RSRC1: variants seen among roughly 807,000 people sequenced by gnomAD.
The protein encoded by RSRC1 is arginine and serine rich coiled-coil 1.
Under a neutral mutation model 49.1 loss-of-function variants are expected in RSRC1, and 39 were observed. That is an observed-to-expected ratio of 0.79 (90% CI 0.61 to 1.04). The LOEUF (loss-of-function observed/expected upper bound fraction) is 1.04, where lower values mean the gene tolerates loss of function less well. RSRC1 is among the 50% of genes least tolerant of loss of function. RSRC1 has a pLI of 0.00. For synonymous variants in RSRC1, 143 were observed against 130.8 expected (o/e 1.09, Z -0.63); for missense variants, 388 against 402.4 (o/e 0.96, Z 0.31).
chr3:158,484,287 A>G (rs1252520913), intron 7 of RSRC1, among the ~76,000 whole-genome samples: 1 of 152,134 alleles, frequency 6.6e-6, no homozygotes, highest in Non-Finnish European at 1.5e-5. Flanking sequence ...CTCCATTTAT[A>G]TGAACAAGTC....
intron 5 of RSRC1, among the ~76,000 whole-genome samples, chr3:158,316,531 G>A (rs981221612): frequency 2.3e-5 from 3 of 129,372 alleles, no homozygotes; most frequent in Non-Finnish European, 4.7e-5. Context: ...TGCAGGCTCC[G>A]CCCCCGGGGT....
chr3:158,211,890 T>C (rs1721699061), intron 4 of RSRC1, among the ~76,000 whole-genome samples: 1 of 151,972 alleles, frequency 6.6e-6, no homozygotes. Flanking sequence ...TTCTCAACTA[T>C]CATTCTTTTT....
intron 4 of RSRC1, among the ~76,000 whole-genome samples, chr3:158,259,362 A>G (rs1315397671): frequency 1.3e-5 from 2 of 152,130 alleles, no homozygotes; most frequent in East Asian, 3.9e-4. Flanking sequence ...GTCTTTGGTA[A>G]GATGCAGGAG....
intron 7 of RSRC1, among the ~76,000 whole-genome samples, chr3:158,530,436 C>T (rs1379953109): frequency 1.3e-5 from 2 of 151,894 alleles, no homozygotes; most frequent in Non-Finnish European, 2.9e-5. Flanking sequence ...CTTTCTAGCC[C>T]TCTAGCCTGC....
At chr3:158,135,572 G>A (rs1481045073) in intron 3 of RSRC1, among the ~76,000 whole-genome samples, 1 of 151,840 alleles carries the variant, frequency 6.6e-6, no homozygotes, top group South Asian at 2.1e-4. Flanking sequence ...GAGCCACTGC[G>A]CCCGGCCTAT....
At chr3:158,221,714 C>G (rs1422530395) in intron 4 of RSRC1, among the ~76,000 whole-genome samples, 1 of 151,492 alleles carries the variant, frequency 6.6e-6, no homozygotes, top group Non-Finnish European at 1.5e-5. Flanking sequence ...ATGCTTATTG[C>G]TTTGCCTCAA....
intron 6 of RSRC1, among the ~76,000 whole-genome samples, chr3:158,402,119 G>A (rs1733923460): frequency 6.6e-6 from 1 of 151,890 alleles, no homozygotes. Flanking sequence ...GTTTGGGTTA[G>A]CAGAATCTAC....
chr3:158,461,650 C>T (rs1287513934), intron 7 of RSRC1, among the ~76,000 whole-genome samples: 1 of 151,668 alleles, frequency 6.6e-6, no homozygotes, highest in African/African-American at 2.4e-5. Context: ...AATTACAGTG[C>T]TTAAAGCAAG....
intron 6 of RSRC1, among the ~76,000 whole-genome samples, chr3:158,424,424 G>T (rs1490850384): frequency 1.3e-5 from 2 of 151,566 alleles, no homozygotes; most frequent in Non-Finnish European, 2.9e-5. Flanking sequence ...TCCCAGGGAT[G>T]AAGCCCACTT....
At chr3:158,468,835 A>G (rs1229526263) in intron 7 of RSRC1, among the ~76,000 whole-genome samples, 1 of 152,206 alleles carries the variant, frequency 6.6e-6, no homozygotes, top group Non-Finnish European at 1.5e-5. Flanking sequence ...CACCTTTACA[A>G]AATTAATTAA....
At chr3:158,290,462 A>G (rs970346788) in intron 4 of RSRC1, among the ~76,000 whole-genome samples, 1 of 151,922 alleles carries the variant, frequency 6.6e-6, no homozygotes, top group Admixed American at 6.6e-5. Context: ...TTTTTAGTAG[A>G]GATGGGGTTT....
intron 7 of RSRC1, among the ~76,000 whole-genome samples, chr3:158,479,551 T>C (rs1738526141): frequency 6.6e-6 from 1 of 152,022 alleles, no homozygotes; most frequent in Non-Finnish European, 1.5e-5. Flanking sequence ...AATTTTGGTT[T>C]TGGTTTTACT....
chr3:158,303,814 G>T (rs1278364670), intron 5 of RSRC1, among the ~76,000 whole-genome samples: 6 of 152,188 alleles, frequency 3.9e-5, no homozygotes, highest in Admixed American at 3.9e-4. Context: ...TATCTTGCAA[G>T]AGTAACAGAC....
chr3:158,508,394 T>C (rs1200299242), intron 7 of RSRC1, among the ~76,000 whole-genome samples: 1 of 152,060 alleles, frequency 6.6e-6, no homozygotes, highest in African/African-American at 2.4e-5. Flanking sequence ...CTACCCTCTC[T>C]CTATATCTAT....
intron 7 of RSRC1, among the ~76,000 whole-genome samples, chr3:158,466,975 C>A (rs1737919942): frequency 6.6e-6 from 1 of 152,150 alleles, no homozygotes; most frequent in Non-Finnish European, 1.5e-5. Context: ...AGGAGGATCA[C>A]TTGAGCCCAG....
chr3:158,360,399 A>C (rs557327792), intron 6 of RSRC1, among the ~76,000 whole-genome samples: 8 of 152,300 alleles, frequency 5.3e-5, no homozygotes, highest in Admixed American at 3.3e-4. Flanking sequence ...CTGGCAGCCC[A>C]GCTGCCAGCC....
intron 1 of RSRC1, among the ~76,000 whole-genome samples, chr3:158,117,193 T>G (rs1714893011): frequency 6.6e-6 from 1 of 152,204 alleles, no homozygotes; most frequent in South Asian, 2.1e-4. Context: ...CTTTAGAAAT[T>G]TCTAGGCTCT....
chr3:158,459,675 T>G (rs2108403693), intron 6 of RSRC1, among the ~76,000 whole-genome samples: 1 of 152,190 alleles, frequency 6.6e-6, no homozygotes, highest in South Asian at 2.1e-4. Context: ...ACTGGTGGTT[T>G]GTTTTTATTA....
intron 3 of RSRC1, among the ~76,000 whole-genome samples, chr3:158,146,479 C>T (rs907170965): frequency 1.3e-5 from 2 of 152,124 alleles, no homozygotes; most frequent in East Asian, 3.8e-4. Context: ...GGGATGAAGC[C>T]TACTTGATCA....
Sources: gnomAD v4.1 joint callset for allele counts (sites outside exome capture counted in the v4.1 genomes callset) on GRCh38, gnomAD v4.1.1 for gene constraint, MANE v1.5 for transcripts, NCBI Gene and HGNC (gene_info 2026-07-23, HGNC 2026-07-21) for gene names.